Variants in KIF20B observed in about 807,000 individuals in gnomAD.
The protein encoded by KIF20B is kinesin-like protein KIF20B.
KIF20B carries 188 observed loss-of-function variants against 232.5 expected under a neutral mutation model. The observed-to-expected ratio is 0.81, with a 90% confidence interval of 0.72 to 0.91. The LOEUF (loss-of-function observed/expected upper bound fraction) is 0.91, where lower values mean the gene tolerates loss of function less well. Among genes scored for constraint, KIF20B ranks in the 40% least tolerant of loss-of-function variants. The probability of loss-of-function intolerance (pLI) is 0.00; values close to 1 mark genes in which losing one functional copy is unlikely to be tolerated. For missense variants in KIF20B, 2,154 were observed against 2,055.9 expected, an observed-to-expected ratio of 1.05 and a Z score of -0.92; for synonymous variants, 712 against 683.0, an observed-to-expected ratio of 1.04 and a Z score of -0.66.
At chr10:89,743,976 A>G in intron 22 of KIF20B, 49 bp downstream of exon 22, 2 of 1,482,694 alleles carry the variant, frequency 1.3e-6, no homozygotes, top group East Asian at 2.6e-5. Context: ...CTCTTGGTAT[A>G]TTTTAGTGTA....
chr10:89,711,292 G>A (rs1842833495), intron 6 of KIF20B, 147 bp downstream of exon 6: 3 of 468,334 alleles, frequency 6.4e-6, no homozygotes, highest in Non-Finnish European at 3.7e-6. Flanking sequence ...AAAGCTTAAA[G>A]TGTGAAGACA....
rs531351218 is a variant in KIF20B at position 89,709,330 on chromosome 10, G to A, written c.235-15G>A. The A allele has an allele frequency of 6.3e-7, 1 of 1,598,960 alleles. No individual in the cohort carries two copies. The highest frequency in any genetic ancestry group is 1.1e-5 in the South Asian group (1 of 89,152). ...CAAAATACTAGTTTTTATTTATTGG[G>A]GGTATGTTTTCTAGGGCTGTGTGCA... On this transcript the variant is annotated splice_polypyrimidine_tract_variant and intron_variant, in intron 3 of 32. Transcript: ENST00000371728.
chr10:89,729,053 G>A (rs1843259240), intron 17 of KIF20B, 75 bp from the exon 18 acceptor site: 2 of 1,174,188 alleles, frequency 1.7e-6, no homozygotes, highest in Non-Finnish European at 2.2e-6. Flanking sequence ...AAAACTGTTT[G>A]CATTATTAAT....
chr10:89,748,879 G>A (rs528419240), intron 23 of KIF20B, among the ~76,000 whole-genome samples: 3 of 151,854 alleles, frequency 2.0e-5, no homozygotes, highest in East Asian at 3.9e-4. Context: ...CCTTTTCTAT[G>A]CTTCTAAGTC....
chr10:89,724,138 A>T, intron 14 of KIF20B, 35 bp downstream of exon 14: 1 of 1,434,862 alleles, frequency 7.0e-7, no homozygotes, highest in Non-Finnish European at 9.1e-7. Context: ...GTAAAAATTG[A>T]GAATTTTATT....
intron 27 of KIF20B, among the ~76,000 whole-genome samples, chr10:89,759,717 T>A (rs1842198881): frequency 6.6e-6 from 1 of 152,076 alleles, no homozygotes; most frequent in African/African-American, 2.4e-5. Context: ...CCTAACAGAG[T>A]TGTGAAATTA....
Position 89,724,040 on chromosome 10 carries a change from A to G in KIF20B, c.1799A>G (p.Lys600Arg), listed in dbSNP as rs901445846. The G allele has an allele frequency of 1.3e-6, 2 of 1,584,072 alleles. No homozygotes were observed. The highest frequency in any genetic ancestry group is 2.7e-5 in the African/African-American group (2 of 72,814). Reference protein sequence around the residue: ...EKKEKLTLEFKIREEVTQEFT... With the variant: ...EKKEKLTLEFRIREEVTQEFT... ...AAGGAAAAATTAACCTTGGAATTTA[A>G]AATTCGAGAAGAAGTTACACAGGAG... Residue 600 changes from lysine to arginine, a missense_variant, in exon 14 of 33, where the codon AAA becomes AGA. Lys to Arg is a conservative substitution (Grantham distance 26, BLOSUM62 2). Coordinates refer to ENST00000371728, the MANE Select transcript of KIF20B (RefSeq NM_001284259.2).
chr10:89,757,022 T>G (rs886641241), intron 26 of KIF20B, among the ~76,000 whole-genome samples: 17 of 122,824 alleles, frequency 1.4e-4, no homozygotes, highest in Admixed American at 1.6e-4. Context: ...TATATCTCTG[T>G]TGTGTGTGTG....
chr10:89,758,630 T>A, intron 26 of KIF20B, 76 bp from the exon 27 acceptor site: 1 of 998,264 alleles, frequency 1.0e-6, no homozygotes, highest in African/African-American at 1.7e-5. Flanking sequence ...TGGTGTTACA[T>A]ATAATAATTT....
In KIF20B at chr10:89,719,543, T is replaced by C. The variant is rs1323535396; in HGVS notation, c.1559T>C (p.Ile520Thr). 6.2e-7 allele frequency: 1 copy of C among 1,613,426 alleles called. No individual in the cohort carries two copies. Among genetic ancestry groups the C allele is most frequent in the East Asian group, 2.2e-5 (1 of 44,782 alleles). ...SKILNVKRAT[I>T]SWENSLEDLM... ...ATATTAAATGTAAAAAGAGCCACCA[T>C]TTCATGGGAAAATAGTCTAGAAGAT... is the stretch of plus-strand genomic sequence containing the variant. Residue 520 changes from isoleucine to threonine, a missense_variant, in exon 13 of 33, where the codon ATT becomes ACT. Physicochemically the swap from Ile to Thr is moderately conservative, Grantham distance 89. Coordinates refer to ENST00000371728, the MANE Select transcript of KIF20B (RefSeq NM_001284259.2).
rs757378200 is a variant in KIF20B at position 89,754,606 on chromosome 10, T to A, written c.4436T>A (p.Ile1479Lys). 6.2e-7 allele frequency: 1 copy of A among 1,606,050 alleles called. No individual in the cohort carries two copies. The highest frequency in any genetic ancestry group is 1.7e-5 in the Admixed American group (1 of 58,898). ...LITQAKEAEN[I>K]RNKEMKKYAE... ...ACTCAAGCGAAAGAAGCAGAGAATA[T>A]ACGAAATAAAGAGATGAAAAAATAT... is the stretch of plus-strand genomic sequence containing the variant. Residue 1479 changes from isoleucine to lysine, a missense_variant, in exon 26 of 33, where the codon ATA becomes AAA. Transcript: ENST00000371728.
chr10:89,737,175 A>G lies in KIF20B; in HGVS notation c.2546-212A>G, dbSNP rs562362675. 9.9e-5 allele frequency among the ~76,000 whole-genome samples: 15 copies of G among 152,096 alleles called. No homozygotes were observed. In the South Asian group the frequency reaches 3.1e-3, roughly 32 times the overall value. ...GTACTTCCTTTGCTAACTTTGTATT[A>G]CCTTGTGAAATAATAATTTTTACAT... On this transcript the variant is annotated intron_variant, in intron 19 of 32. Transcript: ENST00000371728.
At position 89,772,246 on chromosome 10, in the gene KIF20B, G is replaced by A. The variant is rs79225309; in HGVS notation, c.5243-443G>A. Among the ~76,000 whole-genome samples, 581 of 152,106 alleles carry A rather than the reference G, an allele frequency of 3.8e-3. 5 individuals are homozygous for A. Among genetic ancestry groups the A allele is most frequent in the African/African-American group, 0.013 (550 of 41,542 alleles). On this transcript the variant is annotated intron_variant, in intron 31 of 32. Transcript: ENST00000371728. ...CTCTCCATTTGTGTGTGGACTTGAAGTAAAGGGTTTACAAAGTATTTTCAT... is the reference window on the plus strand; with the variant it reads ...CTCTCCATTTGTGTGTGGACTTGAAATAAAGGGTTTACAAAGTATTTTCAT...
At chr10:89,724,884 G>C (rs1843145973) in intron 14 of KIF20B, 136 bp from the exon 15 acceptor site, 1 of 767,994 alleles carries the variant, frequency 1.3e-6, no homozygotes, top group African/African-American at 1.8e-5. Context: ...CAAATTGCTG[G>C]GATTACAGGC....
intron 1 of KIF20B, among the ~76,000 whole-genome samples, chr10:89,703,598 A>C (rs554615455): frequency 3.3e-5 from 5 of 151,994 alleles, no homozygotes; most frequent in Non-Finnish European, 5.9e-5. Context: ...GGTCTTGATA[A>C]TCCCGGGTTT....
intron 26 of KIF20B, among the ~76,000 whole-genome samples, chr10:89,755,656 C>T (rs1267580808): frequency 6.6e-6 from 1 of 151,866 alleles, no homozygotes; most frequent in Non-Finnish European, 1.5e-5. Context: ...TGCAGTGGTG[C>T]AGTCATGGCT....
In KIF20B at chr10:89,710,884, A is replaced by C. The variant is rs1589851541; in HGVS notation, c.491-77A>C. 7 of 1,134,624 alleles carry C rather than the reference A, an allele frequency of 6.2e-6. No homozygotes were observed. The African/African-American group carries it at 6.4e-5, about 10-fold the overall frequency. 70.3% of individuals were successfully genotyped at this position (1,134,624 alleles called of 1,614,324 possible). ...GACTCTTGCCTATTGGTAGTATAAA[A>C]GGAGCTTTAATAAACAAGTAAAGTT... On this transcript the variant is annotated intron_variant, in intron 5 of 32. Coordinates refer to ENST00000371728, the MANE Select transcript of KIF20B (RefSeq NM_001284259.2).
At chr10:89,718,979 A>C in intron 12 of KIF20B, 107 bp downstream of exon 12, 1 of 742,450 alleles carries the variant, frequency 1.3e-6, no homozygotes, top group South Asian at 2.9e-5. Context: ...ATTGAAAATT[A>C]AAAAGGTAAA....
chr10:89,751,581 G>T (rs1485832454), intron 24 of KIF20B, 110 bp downstream of exon 24: 1 of 1,026,684 alleles, frequency 9.7e-7, no homozygotes, highest in Non-Finnish European at 1.4e-6. Context: ...ATTGATAATG[G>T]AAAAGTATTT....
Sources: gnomAD v4.1 joint callset for allele counts (sites outside exome capture counted in the v4.1 genomes callset) on GRCh38, gnomAD v4.1.1 for gene constraint, MANE v1.5 for transcripts, NCBI Gene and HGNC (gene_info 2026-07-23, HGNC 2026-07-21) for gene names.